The following USP46 variants were observed in gnomAD, a reference collection of about 807,000 sequenced individuals.
USP46 encodes the protein ubiquitin carboxyl-terminal hydrolase 46.
Under a neutral mutation model 44.4 loss-of-function variants are expected in USP46, and 12 were observed. The observed-to-expected ratio is 0.27, with a 90% confidence interval of 0.17 to 0.44. The LOEUF is 0.44. Among genes scored for constraint, USP46 ranks in the 20% least tolerant of loss-of-function variants. The pLI is 1.00. For missense variants in USP46, 248 were observed against 444.8 expected, an observed-to-expected ratio of 0.56 and a Z score of 3.98; for synonymous variants, 155 against 161.5, an observed-to-expected ratio of 0.96 and a Z score of 0.31.
intron 1 of USP46, among the ~76,000 whole-genome samples, chr4:52,637,887 C>T (rs1050175348): frequency 2.6e-5 from 4 of 152,132 alleles, no homozygotes; most frequent in Non-Finnish European, 5.9e-5. Context: ...ATGCCCCCTG[C>T]TTACCATCTG....
Position 52,656,397 on chromosome 4 carries a change from C to T in USP46, c.36+2718G>A, listed in dbSNP as rs925365115. 39 of 1,509,282 alleles carry T rather than the reference C, an allele frequency of 2.6e-5. No homozygotes were observed. The East Asian group carries it at 7.5e-4, about 29-fold the overall frequency. The allele number at this position is 1,509,282 out of a possible 1,614,324, so 93.5% of individuals were successfully genotyped here. On this transcript the variant is annotated intron_variant, in intron 1 of 8. Coordinates refer to ENST00000441222, the MANE Select transcript of USP46 (RefSeq NM_022832.4). ...CAGCAGTTTCCTCATACCCAGCCTT[C>T]TCCTCTGGGAAGGAAGACTGGGAGG...
At chr4:52,632,354 G>T (rs868537860) in intron 1 of USP46, among the ~76,000 whole-genome samples, 1 of 152,262 alleles carries the variant, frequency 6.6e-6, no homozygotes, top group Middle Eastern at 3.4e-3. Context: ...AGTGACCCAT[G>T]TTCAGTCCAA....
intron 8 of USP46, among the ~76,000 whole-genome samples, chr4:52,598,336 T>C (rs1301836871): frequency 1.3e-5 from 2 of 152,190 alleles, no homozygotes; most frequent in African/African-American, 4.8e-5. Context: ...GCTTTAGTCA[T>C]GATAAGAAAC....
chr4:52,658,140 C>G (rs889302886), intron 1 of USP46: 1 of 451,306 alleles, frequency 2.2e-6, no homozygotes, highest in Admixed American at 2.4e-5. Flanking sequence ...GGGGTGCAGT[C>G]TAAAGAATGT....
At chr4:52,612,047 T>C (rs1213551209) in intron 4 of USP46, among the ~76,000 whole-genome samples, 2 of 152,224 alleles carry the variant, frequency 1.3e-5, no homozygotes, top group Non-Finnish European at 2.9e-5. Flanking sequence ...CAAGAGTGTC[T>C]ATCTCATAAG....
chr4:52,656,437 T>C lies in USP46; in HGVS notation c.36+2678A>G, dbSNP rs1417566938. 9.4e-5 allele frequency: 22 copies of C among 234,422 alleles called. No homozygotes were observed. In the Admixed American group the frequency reaches 2.3e-3, roughly 25 times the overall value. The allele number at this position is 234,422 out of a possible 1,614,324, so 14.5% of individuals were successfully genotyped here. Reference sequence around the variant, plus strand: ...AGACTGGGAGGGACAGTGGGGGCGGTGGGTGGGGGATTGACCTGAGCAGGG... The same window carrying C: ...AGACTGGGAGGGACAGTGGGGGCGGCGGGTGGGGGATTGACCTGAGCAGGG... On this transcript the variant is annotated intron_variant, in intron 1 of 8. Coordinates refer to ENST00000441222, the MANE Select transcript of USP46 (RefSeq NM_022832.4).
chr4:52,625,924 T>A, intron 4 of USP46, 94 bp downstream of exon 4: 1 of 1,223,644 alleles, frequency 8.2e-7, no homozygotes, highest in South Asian at 1.5e-5. Context: ...TGCAAATAAC[T>A]GCTAAATGCT....
intron 6 of USP46, 52 bp downstream of exon 6, chr4:52,604,449 T>C: frequency 6.7e-7 from 1 of 1,490,126 alleles, no homozygotes; most frequent in South Asian, 1.2e-5. Flanking sequence ...GGCCCCACAG[T>C]CGGGATCCTT....
intron 4 of USP46, among the ~76,000 whole-genome samples, chr4:52,620,172 T>C (rs1301974257): frequency 6.6e-6 from 1 of 152,140 alleles, no homozygotes; most frequent in African/African-American, 2.4e-5. Context: ...CAATGCAATA[T>C]TTGCATTTAT....
chr4:52,631,286 G>A, intron 1 of USP46, 142 bp from the exon 2 acceptor site: 1 of 590,298 alleles, frequency 1.7e-6, no homozygotes, highest in Admixed American at 3.4e-5. Context: ...AGAAAAATGT[G>A]TCAGAAGTAA....
chr4:52,626,109 G>T lies in USP46; in HGVS notation c.470C>A (p.Pro157His). Residue 157 changes from proline (P) to histidine (H), a missense_variant, in exon 4 of 9, where the codon CCT becomes CAT. Pro to His is a moderately conservative substitution (Grantham distance 77). Transcript: ENST00000441222. ...GAGTTCTGGTTTATTATTTTCCGCA[G>T]GTTCGTTCATGTTGCCATTTTTTAA... ...GKLKNGNMNE[P>H]AENNKPELTW... 2 of 1,613,796 alleles carry T rather than the reference G, an allele frequency of 1.2e-6. No individual in the cohort carries two copies. The highest frequency in any genetic ancestry group is 1.7e-6 in the Non-Finnish European group (2 of 1,179,844).
At chr4:52,637,815 C>A (rs554994695) in intron 1 of USP46, among the ~76,000 whole-genome samples, 13 of 152,316 alleles carry the variant, frequency 8.5e-5, no homozygotes, top group African/African-American at 2.6e-4. Context: ...CTGTTTCCAA[C>A]CTCATCTCCT....
intron 4 of USP46, among the ~76,000 whole-genome samples, chr4:52,623,896 G>A (rs542697677): frequency 7.7e-4 from 117 of 151,990 alleles, no homozygotes; most frequent in Middle Eastern, 3.4e-3. Flanking sequence ...CTCCAGCCTA[G>A]GCAGCAGAGC....
intron 1 of USP46, among the ~76,000 whole-genome samples, chr4:52,645,075 A>C (rs1365598888): frequency 1.3e-5 from 2 of 151,926 alleles, no homozygotes; most frequent in African/African-American, 4.8e-5. Flanking sequence ...AACAACAAAA[A>C]TTAGCCGGAC....
chr4:52,597,465 C>T lies in USP46; in HGVS notation c.*175G>A. On this transcript the variant is annotated 3_prime_UTR_variant, in exon 9 of 9. Transcript: ENST00000441222. ...ACTCTATGTCAGACTGAAATAAAAC[C>T]AAGAGTAGTGCTGCATGTAAAAACA... The T allele has an allele frequency of 1.8e-6, 1 of 560,306 alleles. No individual in the cohort carries two copies. Among genetic ancestry groups the T allele is most frequent in the South Asian group, 2.3e-5 (1 of 44,428 alleles). The allele number at this position is 560,306 out of a possible 1,614,324, so 34.7% of individuals were successfully genotyped here. A position where few individuals can be genotyped will look rare whatever the true frequency, so the allele number is the denominator to read the frequency against.
At chr4:52,655,592 C>T (rs1718919271) in intron 1 of USP46, among the ~76,000 whole-genome samples, 1 of 152,108 alleles carries the variant, frequency 6.6e-6, no homozygotes, top group Non-Finnish European at 1.5e-5. Context: ...TTTGCAGGGC[C>T]ATAAAAATAT....
At chr4:52,606,392 TCA>T (rs1311028399) in intron 5 of USP46, among the ~76,000 whole-genome samples, 12 of 152,170 alleles carry the variant, frequency 7.9e-5, no homozygotes, top group African/African-American at 1.2e-4. Flanking sequence ...TTTAATGAAC[TCA>T]CAGTTTCACA....
intron 1 of USP46, among the ~76,000 whole-genome samples, chr4:52,643,076 G>A (rs534079982): frequency 5.3e-5 from 8 of 152,284 alleles, no homozygotes; most frequent in Non-Finnish European, 1.0e-4. Flanking sequence ...ATAGAGGAAC[G>A]AAATTATTTA....
intron 4 of USP46, among the ~76,000 whole-genome samples, chr4:52,618,361 G>A (rs1717245260): frequency 1.3e-5 from 2 of 152,118 alleles, no homozygotes; most frequent in South Asian, 4.1e-4. Flanking sequence ...ATGGTGGCAG[G>A]AGCCTATAAT....
Sources: allele counts gnomAD v4.1 joint callset (sites outside exome capture counted in the v4.1 genomes callset), GRCh38; gene constraint gnomAD v4.1.1; transcripts MANE v1.5; gene names NCBI Gene and HGNC (gene_info 2026-07-23, HGNC 2026-07-21).